STRN: variants seen among roughly 807,000 people sequenced by gnomAD.
STRN encodes the protein protein phosphatase 2 regulatory subunit B'''alpha.
Under a neutral mutation model 96.3 loss-of-function variants are expected in STRN, and 53 were observed. That is an observed-to-expected ratio of 0.55 (90% CI 0.44 to 0.69). The LOEUF (loss-of-function observed/expected upper bound fraction) is 0.69, where lower values mean the gene tolerates loss of function less well. Among genes scored for constraint, STRN ranks in the 30% least tolerant of loss-of-function variants. The probability of loss-of-function intolerance (pLI) is 0.00; values close to 1 mark genes in which losing one functional copy is unlikely to be tolerated. For synonymous variants in STRN, 428 were observed against 355.9 expected, an observed-to-expected ratio of 1.20 and a Z score of -2.28; for missense variants, 987 against 963.9, an observed-to-expected ratio of 1.02 and a Z score of -0.32.
At chr2:36,961,008 C>T (rs1665016415) in intron 1 of STRN, among the ~76,000 whole-genome samples, 1 of 151,910 alleles carries the variant, frequency 6.6e-6, no homozygotes, top group South Asian at 2.1e-4. Context: ...GCAATCCTCC[C>T]ATCTCAGCCT....
chr2:36,861,051 T>C lies in STRN; in HGVS notation c.1669+81A>G, dbSNP rs1477910649. 23 of 1,516,134 alleles carry C rather than the reference T, an allele frequency of 1.5e-5. No homozygotes were observed. The East Asian group carries it at 5.3e-4, about 35-fold the overall frequency. 93.9% of individuals were successfully genotyped at this position (1,516,134 alleles called of 1,614,324 possible). The stretch of plus-strand genomic sequence containing the variant: ...ACCTATTTATTTTCAAAAATCTCTT[T>C]ATCTCTTCCTTTTATATTCTATGAA... On this transcript the variant is annotated intron_variant, in intron 13 of 17. Coordinates refer to ENST00000263918, the MANE Select transcript of STRN (RefSeq NM_003162.4).
chr2:36,876,412 T>A (rs958006918), intron 10 of STRN, among the ~76,000 whole-genome samples: 7 of 152,142 alleles, frequency 4.6e-5, no homozygotes, highest in African/African-American at 1.4e-4. Flanking sequence ...TGAAAAGTAG[T>A]ATACGGATTT....
chr2:36,963,054 C>A (rs1665067311), intron 1 of STRN, among the ~76,000 whole-genome samples: 2 of 152,096 alleles, frequency 1.3e-5, no homozygotes, highest in Non-Finnish European at 2.9e-5. Flanking sequence ...TGCCTAATCT[C>A]AACTGGATGT....
At chr2:36,921,024 G>A (rs1670240235) in intron 2 of STRN, among the ~76,000 whole-genome samples, 2 of 151,288 alleles carry the variant, frequency 1.3e-5, no homozygotes, top group Admixed American at 6.6e-5. Context: ...GCAGTGAGCC[G>A]ATATCACACC....
At chr2:36,930,431 C>CA (rs1255302084) in intron 1 of STRN, among the ~76,000 whole-genome samples, 221 of 108,502 alleles carry the variant, frequency 2.0e-3, no homozygotes, top group Admixed American at 2.1e-3. Context: ...GACTCCATCT[C>CA]AAAAAAAAAA....
chr2:36,902,245 C>T lies in STRN; in HGVS notation c.659+339G>A, dbSNP rs78195910. Among the ~76,000 whole-genome samples the T allele has an allele frequency of 9.9e-3, 1,511 of 152,226 alleles. 37 individuals carry two copies. Among genetic ancestry groups the T allele is most frequent in the African/African-American group, 0.035 (1,442 of 41,536 alleles). ...TTCTACAGAATTTGAGGTATTTTTA[C>T]GACTTCTGGATCACCAATCATGAAA... On this transcript the variant is annotated intron_variant, in intron 5 of 17. Coordinates refer to ENST00000263918, the MANE Select transcript of STRN (RefSeq NM_003162.4).
At chr2:36,875,106 A>C (rs17496249) in intron 10 of STRN, among the ~76,000 whole-genome samples, 10 of 151,960 alleles carry the variant, frequency 6.6e-5, no homozygotes, top group African/African-American at 2.4e-4. Flanking sequence ...AGGTCTTTGC[A>C]TAGAAAATTT....
chr2:36,874,717 T>TAAAAA (rs35268065), intron 10 of STRN, among the ~76,000 whole-genome samples: 10 of 86,274 alleles, frequency 1.2e-4, no homozygotes, highest in Middle Eastern at 7.1e-3. Context: ...TGTTTAGAGT[T>TAAAAA]AAAAAAAAAA....
chr2:36,914,120 G>C (rs987227070), intron 3 of STRN, among the ~76,000 whole-genome samples: 1 of 152,078 alleles, frequency 6.6e-6, no homozygotes, highest in African/African-American at 2.4e-5. Flanking sequence ...CTCCCCAGTA[G>C]CTAGGACTAC....
At chr2:36,889,206 C>G (rs902658621) in intron 7 of STRN, among the ~76,000 whole-genome samples, 1 of 152,034 alleles carries the variant, frequency 6.6e-6, no homozygotes, top group African/African-American at 2.4e-5. Context: ...ATGAATGATC[C>G]GAGTAAACCA....
At chr2:36,852,369 T>C (rs1282269263) in intron 15 of STRN, among the ~76,000 whole-genome samples, 1 of 152,192 alleles carries the variant, frequency 6.6e-6, no homozygotes, top group Admixed American at 6.5e-5. Flanking sequence ...GGAACAACTC[T>C]CAAAATTTGA....
intron 3 of STRN, among the ~76,000 whole-genome samples, chr2:36,911,276 T>C (rs1048900780): frequency 6.6e-6 from 1 of 152,218 alleles, no homozygotes; most frequent in South Asian, 2.1e-4. Context: ...TTAGGTCTTA[T>C]CATCATGAAC....
intron 3 of STRN, among the ~76,000 whole-genome samples, chr2:36,912,211 T>C (rs1669978703): frequency 6.6e-6 from 1 of 152,184 alleles, no homozygotes; most frequent in Non-Finnish European, 1.5e-5. Context: ...TTTTATTGGT[T>C]ACTCCTCTAA....
At chr2:36,891,025 T>C (rs1669382331) in intron 7 of STRN, among the ~76,000 whole-genome samples, 1 of 152,324 alleles carries the variant, frequency 6.6e-6, no homozygotes, top group African/African-American at 2.4e-5. Context: ...GATTTTGGAA[T>C]ATTTGTACTA....
At chr2:36,860,801 T>C (rs1668460283) in intron 13 of STRN, among the ~76,000 whole-genome samples, 1 of 152,182 alleles carries the variant, frequency 6.6e-6, no homozygotes, top group Non-Finnish European at 1.5e-5. Flanking sequence ...AGAATAATGA[T>C]GAAATATTAT....
At chr2:36,924,998 G>T (rs185405038) in intron 2 of STRN, 107 bp downstream of exon 2, 209 of 951,412 alleles carry the variant, frequency 2.2e-4, no homozygotes, top group Non-Finnish European at 3.2e-4. Context: ...GGAGGTCGCG[G>T]TGAGCCAAGA....
intron 1 of STRN, among the ~76,000 whole-genome samples, chr2:36,957,917 ATTTTTTTT>A (rs1188068591): frequency 3.3e-5 from 3 of 90,414 alleles, no homozygotes; most frequent in Non-Finnish European, 4.5e-5. Flanking sequence ...CGCCCAGCTA[ATTTTTTTT>A]TTTTTTTTTT....
At chr2:36,871,766 A>T (rs1046648754) in intron 10 of STRN, among the ~76,000 whole-genome samples, 1 of 152,248 alleles carries the variant, frequency 6.6e-6, no homozygotes. Flanking sequence ...GACTAGACAC[A>T]TCAGGAAAAG....
chr2:36,864,248 C>A lies in STRN; in HGVS notation c.1548-2995G>T, dbSNP rs139080094. ...CTTGTTCCAGTTCTCAAGAGAAATG[C>A]TTCCAGATTTTGCAGTTCAGTATGA... On this transcript the variant is annotated intron_variant, in intron 12 of 17. Transcript: ENST00000263918. Among the ~76,000 whole-genome samples, 28 of 152,250 alleles carry A rather than the reference C, an allele frequency of 1.8e-4. No individual in the cohort carries two copies. The East Asian group carries it at 5.0e-3, about 27-fold the overall frequency.
Sources: gnomAD v4.1 joint callset for allele counts (sites outside exome capture counted in the v4.1 genomes callset) on GRCh38, gnomAD v4.1.1 for gene constraint, MANE v1.5 for transcripts, NCBI Gene and HGNC (gene_info 2026-07-23, HGNC 2026-07-21) for gene names.